The following MECOM variants were observed in gnomAD, a reference collection of about 807,000 sequenced individuals.
The protein encoded by MECOM is MDS1 and EVI1 complex locus.
MECOM carries 13 observed loss-of-function variants against 116.3 expected under a neutral mutation model. The observed-to-expected ratio is 0.11, with a 90% CI of 0.07 to 0.18. MECOM has a LOEUF of 0.18. Ranked by LOEUF, MECOM falls within the 10% of genes least tolerant of loss-of-function variation. The pLI is 1.00. For missense variants in MECOM, 1,299 were observed against 1,509.0 expected (o/e 0.86, Z 2.31); for synonymous variants, 528 against 535.2 (o/e 0.99, Z 0.19).
chr3:169,475,008 G>T (rs1750118355), intron 1 of MECOM, among the ~76,000 whole-genome samples: 1 of 152,122 alleles, frequency 6.6e-6, no homozygotes, highest in African/African-American at 2.4e-5. Context: ...TCCAATTTCA[G>T]TTTTTGTGAT....
chr3:169,411,864 G>A (rs1737608694), intron 1 of MECOM, among the ~76,000 whole-genome samples: 4 of 151,812 alleles, frequency 2.6e-5, no homozygotes, highest in Admixed American at 2.6e-4. Context: ...GGTAGTGCAT[G>A]CCTGTGATCC....
In MECOM at chr3:169,093,184, G is replaced by C. The variant is rs149723581; in HGVS notation, c.3020-82C>G. On this transcript the variant is annotated intron_variant, in intron 13 of 16. Coordinates refer to ENST00000651503, the MANE Select transcript of MECOM (RefSeq NM_004991.4). Reference sequence around the variant, plus strand: ...TTGGAAACTCACTCCTTATGAATTTGATCAGTGCTGTTTCTTAAAACATGC... The same window carrying C: ...TTGGAAACTCACTCCTTATGAATTTCATCAGTGCTGTTTCTTAAAACATGC... 442 of 1,409,566 alleles carry C rather than the reference G, an allele frequency of 3.1e-4. 3 individuals are homozygous for C. In the East Asian group the frequency reaches 1.0e-2, roughly 32 times the overall value. 87.3% of individuals were successfully genotyped at this position (1,409,566 alleles called of 1,614,324 possible). A position where few individuals can be genotyped will look rare whatever the true frequency, so the allele number is the denominator to read the frequency against.
chr3:169,382,570 T>A (rs1732586691), intron 1 of MECOM, among the ~76,000 whole-genome samples: 1 of 152,050 alleles, frequency 6.6e-6, no homozygotes, highest in South Asian at 2.1e-4. Flanking sequence ...TCTTGTCTGC[T>A]AGGATCACAA....
At chr3:169,088,028 G>A (rs763591311) in intron 16 of MECOM, among the ~76,000 whole-genome samples, 2 of 152,126 alleles carry the variant, frequency 1.3e-5, no homozygotes, top group Admixed American at 6.6e-5. Flanking sequence ...TTGACACAAT[G>A]TTTTTCCCAA....
chr3:169,329,126 T>A (rs1025466850), intron 2 of MECOM, among the ~76,000 whole-genome samples: 3 of 152,198 alleles, frequency 2.0e-5, no homozygotes, highest in African/African-American at 7.2e-5. Context: ...ATAGATTATC[T>A]TTGAAAACAA....
intron 2 of MECOM, among the ~76,000 whole-genome samples, chr3:169,192,243 G>T (rs73879028): frequency 2.1e-3 from 316 of 151,870 alleles, no homozygotes; most frequent in African/African-American, 7.5e-3. Context: ...ATACTGAATT[G>T]GAATAACAGA....
chr3:169,371,514 T>TACACAC (rs35247420), intron 2 of MECOM, among the ~76,000 whole-genome samples: 11,568 of 149,454 alleles, frequency 0.077, 1,301 homozygotes, highest in African/African-American at 0.25. Context: ...GTATTTTCAC[T>TACACAC]ACACACACAC....
intron 11 of MECOM, among the ~76,000 whole-genome samples, chr3:169,101,287 G>A (rs930903753): frequency 7.2e-5 from 11 of 152,034 alleles, no homozygotes; most frequent in African/African-American, 2.7e-4. Flanking sequence ...CCAGATAAGG[G>A]GATAAAAATA....
At chr3:169,623,432 TAGG>T (rs755022575) in intron 1 of MECOM, among the ~76,000 whole-genome samples, 12 of 152,212 alleles carry the variant, frequency 7.9e-5, no homozygotes, top group Non-Finnish European at 1.0e-4. Context: ...TAATCAATTC[TAGG>T]AGTTCTATGA....
chr3:169,116,816 T>A, intron 7 of MECOM, 77 bp from the exon 8 acceptor site: 3 of 1,491,704 alleles, frequency 2.0e-6, no homozygotes, highest in Non-Finnish European at 2.7e-6. Context: ...ACAATTGGTT[T>A]ACTCAAAATT....
At chr3:169,623,315 T>C (rs1770973820) in intron 1 of MECOM, among the ~76,000 whole-genome samples, 1 of 152,218 alleles carries the variant, frequency 6.6e-6, no homozygotes, top group African/African-American at 2.4e-5. Flanking sequence ...TTTATTCTAG[T>C]TCAATGTGCT....
At chr3:169,616,683 T>C (rs2109858765) in intron 1 of MECOM, among the ~76,000 whole-genome samples, 1 of 152,304 alleles carries the variant, frequency 6.6e-6, no homozygotes, top group East Asian at 1.9e-4. Context: ...AGATTTCGGC[T>C]TCACTGAAAG....
chr3:169,596,524 A>G (rs1381463712), intron 1 of MECOM, among the ~76,000 whole-genome samples: 3 of 152,212 alleles, frequency 2.0e-5, no homozygotes, highest in Admixed American at 6.5e-5. Flanking sequence ...AATGCATATG[A>G]AGGAAATCTA....
At chr3:169,104,895 A>G (rs1724843781) in intron 10 of MECOM, among the ~76,000 whole-genome samples, 1 of 152,212 alleles carries the variant, frequency 6.6e-6, no homozygotes, top group African/African-American at 2.4e-5. Flanking sequence ...AGAAACAAGA[A>G]AATATATTAT....
At chr3:169,492,003 T>C (rs962363005) in intron 1 of MECOM, among the ~76,000 whole-genome samples, 1 of 152,192 alleles carries the variant, frequency 6.6e-6, no homozygotes, top group African/African-American at 2.4e-5. Flanking sequence ...GAAAACACTT[T>C]TATCTGGGAC....
chr3:169,121,149 C>T lies in MECOM; in HGVS notation c.1039G>A (p.Ala347Thr). Residue 347 changes from alanine (A) to threonine (T), a missense_variant, in exon 7 of 17, where the codon GCC becomes ACC. Coordinates refer to ENST00000651503, the MANE Select transcript of MECOM (RefSeq NM_004991.4). ...HIRSQHVGAR[A>T]HACPECGKTF... ...TTGCCACACTCCGGGCATGCATGGG[C>T]CCGGGCACCGACATGCTGAGAGCGA... The T allele has an allele frequency of 6.2e-7, 1 of 1,613,496 alleles. No homozygotes were observed. Among genetic ancestry groups the T allele is most frequent in the Non-Finnish European group, 8.5e-7 (1 of 1,179,786 alleles).
At chr3:169,399,577 T>G (rs1192689509) in intron 1 of MECOM, among the ~76,000 whole-genome samples, 1 of 152,174 alleles carries the variant, frequency 6.6e-6, no homozygotes, top group Non-Finnish European at 1.5e-5. Context: ...AAGTGAGAAT[T>G]TTGTAGTTGA....
At chr3:169,637,223 A>C (rs577630589) in intron 1 of MECOM, among the ~76,000 whole-genome samples, 4 of 152,194 alleles carry the variant, frequency 2.6e-5, no homozygotes, top group Non-Finnish European at 5.9e-5. Flanking sequence ...CCACTCGAAC[A>C]TCCAGCTTAG....
In MECOM at chr3:169,378,506, A is replaced by C. The variant is rs1378675763; in HGVS notation, c.375+2681T>G. ...GAGAGAGAGAAAGAAAGAAAGAAAGAAAGAAAGAAAAGAAAGAAAGAAAGA... is the reference window on the plus strand; with the variant it reads ...GAGAGAGAGAAAGAAAGAAAGAAAGCAAGAAAGAAAAGAAAGAAAGAAAGA... On this transcript the variant is annotated intron_variant, in intron 2 of 16. Transcript: ENST00000651503. 3.4e-3 allele frequency among the ~76,000 whole-genome samples: 106 copies of C among 30,736 alleles called. 11 individuals carry two copies. The highest frequency in any genetic ancestry group is 0.015 in the African/African-American group (73 of 4,964). 20.2% of individuals were successfully genotyped at this position (30,736 alleles called of 152,430 possible).
Sources: gnomAD v4.1 joint callset for allele counts (sites outside exome capture counted in the v4.1 genomes callset) on GRCh38, gnomAD v4.1.1 for gene constraint, MANE v1.5 for transcripts, NCBI Gene and HGNC (gene_info 2026-07-23, HGNC 2026-07-21) for gene names.